The following MCC variants were observed in gnomAD, a reference collection of about 807,000 sequenced individuals.
MCC encodes the protein MCC regulator of Wnt signaling pathway, also known as colorectal mutant cancer protein.
Under a neutral mutation model 116.2 loss-of-function variants are expected in MCC, and 90 were observed. The observed-to-expected ratio is 0.77, with a 90% CI of 0.65 to 0.92. The LOEUF (loss-of-function observed/expected upper bound fraction) is 0.92. MCC is among the 40% of genes least tolerant of loss of function. The probability of loss-of-function intolerance (pLI) is 0.00; values close to 1 mark genes in which losing one functional copy is unlikely to be tolerated. For synonymous variants in MCC, 578 were observed against 510.5 expected (o/e 1.13, Z -1.78); for missense variants, 1,516 against 1,312.2 (o/e 1.16, Z -2.40).
At chr5:113,472,196 G>A (rs1772113488) in intron 1 of MCC, among the ~76,000 whole-genome samples, 1 of 152,172 alleles carries the variant, frequency 6.6e-6, no homozygotes. Context: ...GCACTCCCCA[G>A]TGAGATGAAC....
At chr5:113,355,362 G>A (rs937707757) in intron 2 of MCC, among the ~76,000 whole-genome samples, 23 of 152,046 alleles carry the variant, frequency 1.5e-4, no homozygotes, top group Non-Finnish European at 2.5e-4. Flanking sequence ...CATTTCATAG[G>A]TCATCTCCTA....
At chr5:113,257,418 GA>G (rs1277835723) in intron 3 of MCC, among the ~76,000 whole-genome samples, 4 of 152,136 alleles carry the variant, frequency 2.6e-5, no homozygotes, top group African/African-American at 9.7e-5. Flanking sequence ...GAAAAACTAA[GA>G]GGACAGAAGG....
At position 113,457,215 on chromosome 5, in the gene MCC, G is replaced by T. The variant is rs376889064; in HGVS notation, c.170+31030C>A. 1.8e-4 allele frequency among the ~76,000 whole-genome samples: 27 copies of T among 152,368 alleles called. 4 individuals carry two copies. The highest frequency in any genetic ancestry group is 7.2e-4 in the Admixed American group (11 of 15,308). On this transcript the variant is annotated intron_variant, in intron 1 of 18. Transcript: ENST00000408903. ...CCAGCTGGAGTTCCAGGTGGGCCTG[G>T]GCTTGGCGGGCCCCACACTCGGAGC...
chr5:113,127,310 G>A (rs1199189083), intron 5 of MCC, among the ~76,000 whole-genome samples: 1 of 152,096 alleles, frequency 6.6e-6, no homozygotes, highest in Admixed American at 6.6e-5. Context: ...TGCAATGAAC[G>A]TTTGCATGCA....
chr5:113,314,494 T>A (rs1767229295), intron 3 of MCC, among the ~76,000 whole-genome samples: 1 of 152,248 alleles, frequency 6.6e-6, no homozygotes, highest in African/African-American at 2.4e-5. Context: ...TAGAGCCGGA[T>A]ATTCTGAGTA....
rs777021994 is a variant in MCC, at chr5:113,151,432, C to T, written c.628-10G>A. ...GGGCTGCTGAATGGAGCTGTGGTGA[C>T]AGAAAGGAGGAGATTAGAGTATTGT... is the stretch of plus-strand genomic sequence containing the variant. On this transcript the variant is annotated splice_polypyrimidine_tract_variant and intron_variant, in intron 3 of 18. Transcript: ENST00000408903. 3.0e-5 allele frequency: 44 copies of T among 1,471,816 alleles called. No individual in the cohort carries two copies. The highest frequency in any genetic ancestry group is 4.1e-5 in the Non-Finnish European group (43 of 1,054,394). The allele number at this position is 1,471,816 out of a possible 1,614,324, so 91.2% of individuals were successfully genotyped here. A position where few individuals can be genotyped will look rare whatever the true frequency, so the allele number is the denominator to read the frequency against.
chr5:113,029,043 T>G lies in MCC; in HGVS notation c.2770A>C (p.Lys924Gln). ...TNAIRREKKLKARVQELVSAL... is the reference protein window; with the variant it reads ...TNAIRREKKLQARVQELVSAL... ...CTCACCAGCTCTTGAACTCTGGCCT[T>G]CAACTTCTTTTCTCTATATTAAAGG... Residue 924 changes from lysine to glutamine, a missense_variant, in exon 18 of 19, where the codon AAG (lysine) becomes CAG (glutamine). Physicochemically the swap from Lys to Gln is moderately conservative, Grantham distance 53. Coordinates refer to ENST00000408903, the MANE Select transcript of MCC (RefSeq NM_001085377.2). 6.2e-7 allele frequency: 1 copy of G among 1,613,042 alleles called. No homozygotes were observed. Among genetic ancestry groups the G allele is most frequent in the Non-Finnish European group, 8.5e-7 (1 of 1,179,486 alleles).
intron 11 of MCC, among the ~76,000 whole-genome samples, chr5:113,074,140 G>A (rs1165843226): frequency 4.6e-5 from 7 of 152,204 alleles, no homozygotes; most frequent in Admixed American, 6.5e-5. Context: ...AGTAGGGGCC[G>A]ACTGACACCT....
chr5:113,119,414 G>A (rs1472964392), intron 6 of MCC, among the ~76,000 whole-genome samples: 1 of 152,176 alleles, frequency 6.6e-6, no homozygotes, highest in Non-Finnish European at 1.5e-5. Context: ...AGGAAGGAGG[G>A]CTCCAGGCGG....
At chr5:113,140,553 T>G (rs1004682893) in intron 5 of MCC, among the ~76,000 whole-genome samples, 17 of 152,006 alleles carry the variant, frequency 1.1e-4, no homozygotes, top group African/African-American at 4.1e-4. Context: ...GGGATGGGAG[T>G]CTTTTAGGGC....
chr5:113,034,267 G>C (rs902196403), intron 17 of MCC, among the ~76,000 whole-genome samples: 4 of 152,152 alleles, frequency 2.6e-5, no homozygotes, highest in African/African-American at 9.7e-5. Context: ...GGAATTAAGA[G>C]GCAGCCTCGT....
intron 11 of MCC, among the ~76,000 whole-genome samples, chr5:113,082,644 C>T (rs1383335390): frequency 6.6e-6 from 1 of 152,204 alleles, no homozygotes; most frequent in Non-Finnish European, 1.5e-5. Context: ...AAGCATAAGG[C>T]CCATGTGAAT....
intron 1 of MCC, chr5:113,435,293 A>G (rs1770815775): frequency 6.0e-6 from 1 of 166,778 alleles, no homozygotes. Context: ...TAATAAAGGG[A>G]CAATTAATAA....
In MCC at chr5:113,062,411, G is replaced by C. The variant is rs188283012; in HGVS notation, c.2213+1573C>G. ...TGGTTCTAAATTTGTCTCTGATTCA[G>C]AATAAAACCACAACATTCTTTTTGG... On this transcript the variant is annotated intron_variant, in intron 14 of 18. Transcript: ENST00000408903. Among the ~76,000 whole-genome samples, 28 of 152,302 alleles carry C rather than the reference G, an allele frequency of 1.8e-4. No individual in the cohort carries two copies. The East Asian group carries it at 3.5e-3, about 19-fold the overall frequency.
Position 113,083,660 on chromosome 5 carries a change from G to T in MCC, c.1635+441C>A, listed in dbSNP as rs1755014251. ...ATGAAAACTCTGGAACTAAAGTGAA[G>T]GTTCTGGTCTTTCCCACCACTGGGC... On this transcript the variant is annotated intron_variant, in intron 10 of 18. Transcript: ENST00000408903. Among the ~76,000 whole-genome samples, 3 of 152,206 alleles carry T rather than the reference G, an allele frequency of 2.0e-5. No individual in the cohort carries two copies. The South Asian group carries it at 6.2e-4, about 32-fold the overall frequency.
At chr5:113,079,360 A>C (rs1039151698) in intron 11 of MCC, among the ~76,000 whole-genome samples, 1 of 152,246 alleles carries the variant, frequency 6.6e-6, no homozygotes, top group Non-Finnish European at 1.5e-5. Flanking sequence ...GACAATCCTA[A>C]GCCAAAAGAA....
chr5:113,384,739 T>C (rs1437724683), intron 2 of MCC, among the ~76,000 whole-genome samples: 1 of 152,156 alleles, frequency 6.6e-6, no homozygotes, highest in South Asian at 2.1e-4. Context: ...TTATTATACT[T>C]AGAAAATGGA....
intron 17 of MCC, among the ~76,000 whole-genome samples, chr5:113,035,659 A>T (rs1051217289): frequency 1.3e-5 from 2 of 152,068 alleles, no homozygotes; most frequent in African/African-American, 4.8e-5. Context: ...TCCGGATATG[A>T]TTCTGCCTCT....
chr5:113,453,082 A>C (rs896418172), intron 1 of MCC, among the ~76,000 whole-genome samples: 1 of 152,230 alleles, frequency 6.6e-6, no homozygotes, highest in Non-Finnish European at 1.5e-5. Flanking sequence ...TTGTCAGCAG[A>C]AATCATGGGA....
Sources: gnomAD v4.1 joint callset for allele counts (sites outside exome capture counted in the v4.1 genomes callset) on GRCh38, gnomAD v4.1.1 for gene constraint, MANE v1.5 for transcripts, NCBI Gene and HGNC (gene_info 2026-07-23, HGNC 2026-07-21) for gene names.